The following CCDC180 variants were observed in gnomAD, a reference collection of about 807,000 sequenced individuals.
CCDC180 encodes the protein coiled-coil domain containing 180.
CCDC180 carries 154 observed loss-of-function variants against 209.2 expected under a neutral mutation model. The observed-to-expected ratio is 0.74, with a 90% CI of 0.65 to 0.84. The LOEUF is 0.84. CCDC180 is among the 40% of genes least tolerant of loss of function. The pLI is 0.00. For synonymous variants in CCDC180, 778 were observed against 749.1 expected, an observed-to-expected ratio of 1.04 and a Z score of -0.63; for missense variants, 1,874 against 1,997.3, an observed-to-expected ratio of 0.94 and a Z score of 1.18.
intron 28 of CCDC180, chr9:97,363,657 T>C (rs553632134): frequency 1.9e-6 from 1 of 518,362 alleles, no homozygotes; most frequent in South Asian, 1.5e-5. Context: ...TTACGGTGTT[T>C]ATATGAAATT....
chr9:97,374,275 C>T (rs533650312), intron 34 of CCDC180: 1 of 433,048 alleles, frequency 2.3e-6, no homozygotes, highest in Non-Finnish European at 4.1e-6. Context: ...ACTGCAGCAA[C>T]GTCAGAGCAT....
Position 97,328,164 on chromosome 9 carries a change from A to T in CCDC180, c.1788+18A>T. ...TTGAACAGGTATGGAGAGGGTGATG[A>T]TACACCCAGCCACTCATGAAGAAGC... On this transcript the variant is annotated intron_variant, in intron 16 of 36. Transcript: ENST00000529487. 3 of 1,611,146 alleles carry T rather than the reference A, an allele frequency of 1.9e-6. No homozygotes were observed. Among genetic ancestry groups the T allele is most frequent in the Non-Finnish European group, 2.5e-6 (3 of 1,178,424 alleles).
chr9:97,330,262 C>T, intron 17 of CCDC180, 60 bp from the exon 18 acceptor site: 1 of 1,610,826 alleles, frequency 6.2e-7, no homozygotes, highest in Non-Finnish European at 8.5e-7. Context: ...GTTGGGAGGC[C>T]CAATCCAGGC....
At position 97,347,333 on chromosome 9, in the gene CCDC180, G is replaced by A. The variant is rs754575063; in HGVS notation, c.2518G>A (p.Glu840Lys). ...CCTCAGACTTCGAGCTGGCTTCTTC[G>A]AGCACCTTGAGAAGTGGTTTGACCA... Reference protein sequence around the residue: ...IKKQLRAGFFEHLEKWFDQCS... With the variant: ...IKKQLRAGFFKHLEKWFDQCS... The change falls in exon 20 of 37, where the codon GAG becomes AAG. Residue 840 changes from glutamate to lysine, a missense_variant. Glu to Lys is a moderately conservative substitution (Grantham distance 56, BLOSUM62 1). Transcript: ENST00000529487. 5.2e-6 allele frequency: 8 copies of A among 1,535,804 alleles called. No individual in the cohort carries two copies. The highest frequency in any genetic ancestry group is 2.4e-5 in the East Asian group (1 of 40,932).
rs1412412150 is a variant in CCDC180, at chr9:97,326,608, A to T, written c.1600A>T (p.Lys534Ter). ...LLDQLRQQSD[K>*]ETLAFHLEKV... Reference sequence around the variant, plus strand: ...GGACCAACTGAGGCAGCAAAGTGACAAAGAAACACTGGCGTTTCACCTGGA... The same window carrying T: ...GGACCAACTGAGGCAGCAAAGTGACTAAGAAACACTGGCGTTTCACCTGGA... Residue 534 changes from lysine (K) to a stop codon, truncating the protein, a stop_gained, in exon 15 of 37, where the codon AAA becomes TAA. Transcript: ENST00000529487. LOFTEE classifies it high-confidence loss of function. The T allele has an allele frequency of 1.2e-6, 2 of 1,613,860 alleles. No homozygotes were observed. The highest frequency in any genetic ancestry group is 1.7e-6 in the Non-Finnish European group (2 of 1,179,966).
chr9:97,315,456 G>T (rs1351562920), intron 8 of CCDC180, among the ~76,000 whole-genome samples: 2 of 152,106 alleles, frequency 1.3e-5, no homozygotes, highest in Non-Finnish European at 2.9e-5. Context: ...TGTCCCCACT[G>T]CTTTCCCCTG....
intron 15 of CCDC180, among the ~76,000 whole-genome samples, chr9:97,327,570 T>C (rs1833574708): frequency 1.3e-5 from 2 of 152,170 alleles, no homozygotes; most frequent in South Asian, 4.1e-4. Flanking sequence ...TTCACAGAAA[T>C]AGAACGACAC....
chr9:97,354,889 C>T lies in CCDC180; in HGVS notation c.3148-3C>T, dbSNP rs1826529995. The T allele has an allele frequency of 6.2e-7, 1 of 1,604,626 alleles. No individual in the cohort carries two copies. Among genetic ancestry groups the T allele is most frequent in the African/African-American group, 1.3e-5 (1 of 74,848 alleles). The stretch of plus-strand genomic sequence containing the variant: ...GTCCTTTACCCTTTATCTCTCTGTA[C>T]AGGCCAATGATGTCATCAACAAGTT... On this transcript the variant is annotated splice_region_variant and splice_polypyrimidine_tract_variant and intron_variant, in intron 23 of 36. Coordinates refer to ENST00000529487, the MANE Select transcript of CCDC180 (RefSeq NM_020893.6).
chr9:97,322,941 G>C lies in CCDC180; in HGVS notation c.1248+20G>C, dbSNP rs753183383. The C allele has an allele frequency of 6.2e-7, 1 of 1,606,814 alleles. No homozygotes were observed. ...TGTAAGGTGGGCACCCTTCCTGCAGGCCTGAGAAGAGGAATCCTGGGCAGG... is the reference window on the plus strand; with the variant it reads ...TGTAAGGTGGGCACCCTTCCTGCAGCCCTGAGAAGAGGAATCCTGGGCAGG... On this transcript the variant is annotated intron_variant, in intron 12 of 36. Coordinates refer to ENST00000529487, the MANE Select transcript of CCDC180 (RefSeq NM_020893.6).
chr9:97,375,775 T>A, intron 36 of CCDC180, 186 bp downstream of exon 36: 1 of 685,444 alleles, frequency 1.5e-6, no homozygotes, highest in Non-Finnish European at 2.4e-6. Flanking sequence ...ACGAGGACAT[T>A]AATGTGGGTC....
Position 97,314,648 on chromosome 9 carries a change from G to C in CCDC180, c.619G>C (p.Gly207Arg). Reference protein sequence around the residue: ...ALLELWDKVAGRLLLRKQEIK... With the variant: ...ALLELWDKVARRLLLRKQEIK... Reference sequence around the variant, plus strand: ...GCTGGAGCTGTGGGATAAGGTGGCCGGGCGGTTACTGCTCCGGAAGCAGGA... The same window carrying C: ...GCTGGAGCTGTGGGATAAGGTGGCCCGGCGGTTACTGCTCCGGAAGCAGGA... The change falls in exon 7 of 37, where the codon GGG becomes CGG. Residue 207 changes from glycine (G) to arginine (R), a missense_variant. By Grantham distance (125) the Gly-to-Arg change is moderately radical (BLOSUM62 -2). Coordinates refer to ENST00000529487, the MANE Select transcript of CCDC180 (RefSeq NM_020893.6). The C allele has an allele frequency of 6.2e-7, 1 of 1,614,058 alleles. No homozygotes were observed.
At position 97,378,623 on chromosome 9, in the gene CCDC180, T is replaced by C. The variant is rs1827314827; in HGVS notation, c.*1729T>C. ...CACTGTCATTTAAACAGCTGCAGAG[T>C]GTTCCCACTGCCTGGGGAACCAGAT... On this transcript the variant is annotated 3_prime_UTR_variant, in exon 37 of 37. Transcript: ENST00000529487. 1 of 152,218 alleles carries C rather than the reference T, an allele frequency of 6.6e-6. No individual in the cohort carries two copies. The highest frequency in any genetic ancestry group is 2.1e-4 in the South Asian group (1 of 4,832). 9.4% of individuals were successfully genotyped at this position (152,218 alleles called of 1,614,324 possible). A position where few individuals can be genotyped will look rare whatever the true frequency, so the allele number is the denominator to read the frequency against.
At position 97,330,540 on chromosome 9, in the gene CCDC180, G is replaced by C. The variant is rs1454718279; in HGVS notation, c.2047G>C (p.Asp683His). The C allele has an allele frequency of 1.2e-5, 20 of 1,614,032 alleles. No individual in the cohort carries two copies. In the East Asian group the frequency reaches 4.2e-4, roughly 34 times the overall value. Residue 683 changes from aspartate (D) to histidine (H), a missense_variant, in exon 18 of 37, where the codon GAT becomes CAT. Transcript: ENST00000529487. ...QKKSPLHAKM[D>H]ESKEGSIQGL... ...AAAATCTCCACTGCATGCTAAGATG[G>C]ATGAGTCCAAAGAAGGCTCTATTCA...
In CCDC180 at chr9:97,314,704, G is replaced by A. The variant is rs373860685; in HGVS notation, c.675G>A (p.Ser225=). ...AGGAGCTGGATGAGGCCCTGCACTC[G>A]CTGGAGTTCTCCCGAACCGATAAAG... ...EIKELDEALH[S]LEFSRTDKLK... Residue 225 remains serine (S), a synonymous_variant, in exon 7 of 37, where the codon TCG becomes TCA. Coordinates refer to ENST00000529487, the MANE Select transcript of CCDC180 (RefSeq NM_020893.6). The A allele has an allele frequency of 1.0e-4, 169 of 1,613,926 alleles. No homozygotes were observed. The South Asian group carries it at 1.2e-3, about 11-fold the overall frequency.
intron 20 of CCDC180, among the ~76,000 whole-genome samples, chr9:97,348,162 G>A (rs1198675033): frequency 3.3e-5 from 5 of 151,802 alleles, no homozygotes; most frequent in African/African-American, 1.2e-4. Flanking sequence ...AATGACCTCT[G>A]TTGGTTTTTC....
At chr9:97,371,032 C>T (rs564926619) in intron 33 of CCDC180, 25 of 201,672 alleles carry the variant, frequency 1.2e-4, no homozygotes, top group Admixed American at 2.8e-4. Context: ...GGCGCAATCT[C>T]GGCTCACTGC....
chr9:97,346,851 A>G (rs1453838690), intron 19 of CCDC180, among the ~76,000 whole-genome samples: 2 of 152,222 alleles, frequency 1.3e-5, no homozygotes, highest in Non-Finnish European at 2.9e-5. Context: ...TGCTGGGATC[A>G]TAGGCATGAG....
At chr9:97,330,866 C>A in intron 18 of CCDC180, 99 bp downstream of exon 18, 1 of 1,135,300 alleles carries the variant, frequency 8.8e-7, no homozygotes, top group Non-Finnish European at 1.3e-6. Flanking sequence ...GTGGCCCAGT[C>A]TCCATAGAGG....
chr9:97,350,530 A>C lies in CCDC180; in HGVS notation c.2977A>C (p.Asn993His). The change falls in exon 22 of 37, where the codon AAT becomes CAT. Residue 993 changes from asparagine (N) to histidine (H), a missense_variant. Physicochemically the swap from Asn to His is moderately conservative, Grantham distance 68. Coordinates refer to ENST00000529487, the MANE Select transcript of CCDC180 (RefSeq NM_020893.6). Reference sequence around the variant, plus strand: ...GAGTCTGGGCAAACTCCGCTACTCAAATATTGAGTTCATCAAACACTGCAG... The same window carrying C: ...GAGTCTGGGCAAACTCCGCTACTCACATATTGAGTTCATCAAACACTGCAG... ...EESLGKLRYS[N>H]IEFIKHCRLF... 6.5e-7 allele frequency: 1 copy of C among 1,536,468 alleles called. No homozygotes were observed. Among genetic ancestry groups the C allele is most frequent in the Non-Finnish European group, 8.7e-7 (1 of 1,147,018 alleles).
Sources: allele counts gnomAD v4.1 joint callset (sites outside exome capture counted in the v4.1 genomes callset), GRCh38; gene constraint gnomAD v4.1.1; transcripts MANE v1.5; gene names NCBI Gene and HGNC (gene_info 2026-07-23, HGNC 2026-07-21).